MKRN2: variants seen among roughly 807,000 people sequenced by gnomAD.
The protein encoded by MKRN2 is makorin ring finger protein 2, also known as E3 ubiquitin-protein ligase makorin-2.
A neutral mutation model predicts 45.4 loss-of-function variants in MKRN2; 32 were observed. The ratio of observed to expected loss-of-function variants is 0.70; its 90% CI spans 0.53 to 0.95. The LOEUF is 0.95. MKRN2 is among the 40% of genes least tolerant of loss of function. The pLI, the probability that MKRN2 is intolerant of heterozygous loss-of-function variation, is 0.00. For missense variants in MKRN2, 526 were observed against 536.7 expected (o/e 0.98, Z 0.20); for synonymous variants, 206 against 192.4 (o/e 1.07, Z -0.59).
chr3:12,572,013 C>T, intron 3 of MKRN2, 56 bp from the exon 4 acceptor site: 1 of 1,499,116 alleles, frequency 6.7e-7, no homozygotes, highest in Middle Eastern at 2.3e-4. Context: ...TGGCTAACGG[C>T]ATACCAGAAA....
intron 1 of MKRN2, among the ~76,000 whole-genome samples, chr3:12,558,017 T>C (rs1203738757): frequency 2.6e-5 from 4 of 152,236 alleles, no homozygotes; most frequent in African/African-American, 9.6e-5. Flanking sequence ...TCCTATTGAA[T>C]TGTATGTTTG....
chr3:12,574,573 A>G (rs2058119411), intron 4 of MKRN2, among the ~76,000 whole-genome samples: 1 of 152,184 alleles, frequency 6.6e-6, no homozygotes, highest in African/African-American at 2.4e-5. Context: ...CCTCCTAGGA[A>G]AGCAAGGGGC....
intron 5 of MKRN2, among the ~76,000 whole-genome samples, chr3:12,575,998 T>C (rs1437645326): frequency 6.6e-6 from 1 of 152,220 alleles, no homozygotes; most frequent in East Asian, 1.9e-4. Flanking sequence ...ACACAGCATG[T>C]GGGCATGTGT....
rs372324543 is a variant in MKRN2 at position 12,572,337 on chromosome 3, C to T, written c.606C>T (p.His202=). The T allele has an allele frequency of 2.9e-5, 47 of 1,599,098 alleles. No individual in the cohort carries two copies. The highest frequency in any genetic ancestry group is 3.8e-5 in the Non-Finnish European group (45 of 1,169,680). The change falls in exon 4 of 8, where the codon CAC becomes CAT. Residue 202 remains histidine, a synonymous_variant. Coordinates refer to ENST00000170447, the MANE Select transcript of MKRN2 (RefSeq NM_014160.5). ...VCEICRLQVL[H]PFDPEQRKAH... is the part of the protein sequence containing the mutation. ...AAATCTGTAGGCTGCAAGTCTTGCA[C>T]CCATTCGACCCAGAGCAGAGGAAGG... is the stretch of plus-strand genomic sequence containing the variant.
intron 3 of MKRN2, 122 bp downstream of exon 3, chr3:12,570,374 G>C: frequency 1.0e-6 from 1 of 993,330 alleles, no homozygotes; most frequent in Non-Finnish European, 1.5e-6. Flanking sequence ...CAGATTGTCT[G>C]CGCGGAGAGA....
chr3:12,581,974 A>T, intron 7 of MKRN2, 22 bp downstream of exon 7: 1 of 1,611,946 alleles, frequency 6.2e-7, no homozygotes, highest in African/African-American at 1.3e-5. Context: ...AGCCATCTCT[A>T]GTTGGGGACA....
At position 12,572,333 on chromosome 3, in the gene MKRN2, T is replaced by C. The variant is rs766464877; in HGVS notation, c.602T>C (p.Leu201Ser). The C allele has an allele frequency of 6.2e-7, 1 of 1,603,590 alleles. No individual in the cohort carries two copies. Among genetic ancestry groups the C allele is most frequent in the Non-Finnish European group, 8.5e-7 (1 of 1,172,378 alleles). The change falls in exon 4 of 8, where the codon TTG (leucine) becomes TCG (serine). Residue 201 changes from leucine (L) to serine (S), a missense_variant. By Grantham distance (145) the Leu-to-Ser change is moderately radical. Transcript: ENST00000170447. The part of the protein sequence containing the change: ...EVCEICRLQV[L>S]HPFDPEQRKA... Reference sequence around the variant, plus strand: ...TGTGAAATCTGTAGGCTGCAAGTCTTGCACCCATTCGACCCAGAGCAGAGG... The same window carrying C: ...TGTGAAATCTGTAGGCTGCAAGTCTCGCACCCATTCGACCCAGAGCAGAGG...
chr3:12,567,239 G>C (rs2058073632), intron 1 of MKRN2, among the ~76,000 whole-genome samples: 1 of 149,616 alleles, frequency 6.7e-6, no homozygotes, highest in Admixed American at 6.6e-5. Flanking sequence ...TTATTAGGGT[G>C]TGTCTAAAAT....
intron 2 of MKRN2, 111 bp downstream of exon 2, chr3:12,569,114 A>G (rs957633515): frequency 1.1e-5 from 15 of 1,326,822 alleles, no homozygotes; most frequent in Admixed American, 6.0e-5. Context: ...CACAAAAAGT[A>G]TGGCAAATAA....
chr3:12,576,935 T>TTTTTTTTTTTG (rs2058142725), intron 6 of MKRN2, 194 bp downstream of exon 6: 1 of 164,544 alleles, frequency 6.1e-6, no homozygotes, highest in African/African-American at 3.5e-5. Flanking sequence ...GTTTTGGTGT[T>TTTTTTTTTTTG]TTTTTTTTTT....
chr3:12,582,297 CTT>C lies in MKRN2; in HGVS notation c.*46_*47del, dbSNP rs745960706. ...GCATCTTGGGCTCCATCGGCCGAAA[CTT>C]TCCCAAGCCAGGGTGTGCGGAGCTT... On this transcript the variant is annotated 3_prime_UTR_variant, in exon 8 of 8. Transcript: ENST00000170447. The C allele has an allele frequency of 1.9e-6, 3 of 1,608,574 alleles. No homozygotes were observed. Among genetic ancestry groups the C allele is most frequent in the Non-Finnish European group, 2.6e-6 (3 of 1,175,876 alleles).
In MKRN2 at chr3:12,570,250, G is replaced by GA; in HGVS notation, c.337dup (p.Asn113LysfsTer7). 6.2e-7 allele frequency: 1 copy of GA among 1,612,890 alleles called. No homozygotes were observed. The highest frequency in any genetic ancestry group is 8.5e-7 in the Non-Finnish European group (1 of 1,179,324). ...AAGAGAACATTGGTTCTTAGAGACC[G>GA]AAGTGAGTAAGCGGAAGCCTTTTGT... On this transcript the variant is annotated frameshift_variant and splice_region_variant, in exon 3 of 8. Coordinates refer to ENST00000170447, the MANE Select transcript of MKRN2 (RefSeq NM_014160.5). LOFTEE classifies it high-confidence loss of function.
chr3:12,576,978 C>G (rs1247398324), intron 6 of MKRN2: 1 of 181,702 alleles, frequency 5.5e-6, no homozygotes, highest in Non-Finnish European at 9.8e-6. Flanking sequence ...GGGTCTCACT[C>G]TGTTGCCCAG....
chr3:12,581,116 AGAGGTCTGTG>A (rs1405236018), intron 6 of MKRN2, among the ~76,000 whole-genome samples: 5 of 152,142 alleles, frequency 3.3e-5, no homozygotes, highest in Non-Finnish European at 7.4e-5. Context: ...TTCTTAACAT[AGAGGTCTGTG>A]GGGAGAATGG....
rs763822142 is a variant in MKRN2 at position 12,574,964 on chromosome 3, G to A, written c.815G>A (p.Arg272Gln). ...CACACGTACTGTTTGTCCTGCATCC[G>A]GCAGTGGCGGTGTGCCAAACAGTTT... ...CNHTYCLSCI[R>Q]QWRCAKQFEN... is the part of the protein sequence containing the mutation. Residue 272 changes from arginine to glutamine, a missense_variant, in exon 5 of 8, where the codon CGG becomes CAG. Physicochemically the swap from Arg to Gln is conservative, Grantham distance 43. Coordinates refer to ENST00000170447, the MANE Select transcript of MKRN2 (RefSeq NM_014160.5). 9.9e-6 allele frequency: 16 copies of A among 1,614,088 alleles called. No individual in the cohort carries two copies. Among genetic ancestry groups the A allele is most frequent in the South Asian group, 2.2e-5 (2 of 91,092 alleles).
chr3:12,575,145 A>T lies in MKRN2; in HGVS notation c.857+139A>T, dbSNP rs1234930119. On this transcript the variant is annotated intron_variant, in intron 5 of 7. Coordinates refer to ENST00000170447, the MANE Select transcript of MKRN2 (RefSeq NM_014160.5). ...GCCCCTGGCTGCATGAACTTCAGCA[A>T]GTCATTTACTCTTCCTGAGCCTAAG... The T allele has an allele frequency of 5.4e-6, 4 of 734,078 alleles. No individual in the cohort carries two copies. In the East Asian group the frequency reaches 8.1e-5, roughly 15 times the overall value. The allele number at this position is 734,078 out of a possible 1,614,324, so 45.5% of individuals were successfully genotyped here. A position where few individuals can be genotyped will look rare whatever the true frequency, so the allele number is the denominator to read the frequency against.
intron 1 of MKRN2, 55 bp downstream of exon 1, chr3:12,557,231 C>G (rs1260583546): frequency 2.6e-6 from 4 of 1,517,154 alleles, no homozygotes; most frequent in South Asian, 1.2e-5. Context: ...GCAGGGGGGC[C>G]GGTGCGCGCC....
At chr3:12,574,366 G>A (rs2058118053) in intron 4 of MKRN2, among the ~76,000 whole-genome samples, 1 of 152,240 alleles carries the variant, frequency 6.6e-6, no homozygotes, top group Non-Finnish European at 1.5e-5. Flanking sequence ...TCTTACATAG[G>A]ACTAGGCTGC....
chr3:12,581,839 A>G lies in MKRN2; in HGVS notation c.1000A>G (p.Lys334Glu), dbSNP rs764553418. ...KKACKYFEQG[K>E]GTCPFGSKCL... is the part of the protein sequence containing the mutation. ...AGCCTGTAAATACTTTGAGCAAGGC[A>G]AGGGGACCTGCCCATTTGGAAGCAA... The change falls in exon 7 of 8, where the codon AAG becomes GAG. Residue 334 changes from lysine (K) to glutamate (E), a missense_variant. By Grantham distance (56) the Lys-to-Glu change is moderately conservative. Coordinates refer to ENST00000170447, the MANE Select transcript of MKRN2 (RefSeq NM_014160.5). 1 of 1,614,208 alleles carries G rather than the reference A, an allele frequency of 6.2e-7. No homozygotes were observed. The highest frequency in any genetic ancestry group is 2.2e-5 in the East Asian group (1 of 44,884).
Sources: gnomAD v4.1 joint callset for allele counts (sites outside exome capture counted in the v4.1 genomes callset) on GRCh38, gnomAD v4.1.1 for gene constraint, MANE v1.5 for transcripts, NCBI Gene and HGNC (gene_info 2026-07-23, HGNC 2026-07-21) for gene names.